The following ALS2CL variants were observed in gnomAD, a reference collection of about 807,000 sequenced individuals.
ALS2CL encodes ALS2 C-terminal like, also known as ALS2 C-terminal-like protein.
Under a neutral mutation model 127.9 loss-of-function variants are expected in ALS2CL, and 112 were observed. The ratio of observed to expected loss-of-function variants is 0.88; its 90% CI spans 0.75 to 1.02. ALS2CL has a LOEUF of 1.02. ALS2CL is among the 50% of genes least tolerant of loss of function. The probability of loss-of-function intolerance (pLI) is 0.00; values close to 1 mark genes in which losing one functional copy is unlikely to be tolerated. For missense variants in ALS2CL, 1,174 were observed against 1,236.7 expected, an observed-to-expected ratio of 0.95 and a Z score of 0.76; for synonymous variants, 519 against 527.6, an observed-to-expected ratio of 0.98 and a Z score of 0.22.
In ALS2CL at chr3:46,686,978, C is replaced by T. The variant is rs777181021; in HGVS notation, c.534+5G>A. 2 of 1,585,012 alleles carry T rather than the reference C, an allele frequency of 1.3e-6. No homozygotes were observed. The highest frequency in any genetic ancestry group is 1.7e-6 in the Non-Finnish European group (2 of 1,169,864). The stretch of plus-strand genomic sequence containing the variant: ...TCCCCACATGCTGCTGCCCCTGGTA[C>T]CCACCTCCCCAATGGTGTCCCCGAG... On this transcript the variant is annotated splice_donor_5th_base_variant and intron_variant, in intron 5 of 25. Transcript: ENST00000318962. The surrounding 1 kb of genome is among the most constrained non-coding windows in gnomAD (Gnocchi z 4.3).
At position 46,689,557 on chromosome 3, in the gene ALS2CL, T is replaced by C; in HGVS notation, c.-25-92A>G. ...GCAGGGTGCCCAGAAGCAAGGTCCA[T>C]GACCACCCACATCAGAACTGAGCAG... On this transcript the variant is annotated intron_variant, in intron 1 of 25. Coordinates refer to ENST00000318962, the MANE Select transcript of ALS2CL (RefSeq NM_147129.5). The C allele has an allele frequency of 3.8e-6, 3 of 790,340 alleles. 1 individual carries two copies. In the South Asian group the frequency reaches 5.4e-5, roughly 14 times the overall value. The allele number at this position is 790,340 out of a possible 1,614,324, so 49.0% of individuals were successfully genotyped here.
chr3:46,679,320 G>T, intron 14 of ALS2CL, 33 bp from the exon 15 acceptor site: 1 of 1,533,518 alleles, frequency 6.5e-7, no homozygotes, highest in Non-Finnish European at 8.9e-7. Flanking sequence ...GGGTAGAAAG[G>T]GTGGGTGAGG....
intron 7 of ALS2CL, among the ~76,000 whole-genome samples, chr3:46,684,660 G>T (rs1699632005): frequency 6.6e-6 from 1 of 152,218 alleles, no homozygotes. Flanking sequence ...GGAGGAGCTT[G>T]CCAGCCGCAG....
At position 46,679,219 on chromosome 3, in the gene ALS2CL, G is replaced by T; in HGVS notation, c.1617C>A (p.Leu539=). The change falls in exon 15 of 26, where the codon CTC becomes CTA. Residue 539 remains leucine, a synonymous_variant. Coordinates refer to ENST00000318962, the MANE Select transcript of ALS2CL (RefSeq NM_147129.5). ...YEGTFTRDLT[L]MGKGKVTFPN... is the part of the protein sequence containing the mutation. Reference sequence around the variant, plus strand: ...CCTCAGTGGTCCTCACCTTCCCCATGAGGGTCAGGTCCCTGGTGAAGGTGC... The same window carrying T: ...CCTCAGTGGTCCTCACCTTCCCCATTAGGGTCAGGTCCCTGGTGAAGGTGC... 6.4e-7 allele frequency: 1 copy of T among 1,568,052 alleles called. No individual in the cohort carries two copies. Among genetic ancestry groups the T allele is most frequent in the South Asian group, 1.2e-5 (1 of 84,902 alleles).
At chr3:46,688,881 C>A (rs1256096700) in intron 2 of ALS2CL, among the ~76,000 whole-genome samples, 1 of 152,212 alleles carries the variant, frequency 6.6e-6, no homozygotes, top group African/African-American at 2.4e-5. Context: ...CTTTGTACAG[C>A]CTGGTCTGGG....
At chr3:46,690,790 A>G (rs1365252806) in intron 1 of ALS2CL, among the ~76,000 whole-genome samples, 2 of 152,136 alleles carry the variant, frequency 1.3e-5, no homozygotes, top group Non-Finnish European at 2.9e-5. Flanking sequence ...GCAGACCCAA[A>G]AGGGTGAGTG....
chr3:46,688,250 C>T lies in ALS2CL; in HGVS notation c.150G>A (p.Leu50=). ...DPWGRECLRL[L]QQLHKSSQQL... ...GCTGGGAGCTCTTGTGCAGCTGTTG[C>T]AAGAGCCGCAGGCACTCTCTGCCCC... is the stretch of plus-strand genomic sequence containing the variant. The change falls in exon 3 of 26, where the codon TTG becomes TTA. Residue 50 remains leucine, a synonymous_variant. Coordinates refer to ENST00000318962, the MANE Select transcript of ALS2CL (RefSeq NM_147129.5). 1.9e-6 allele frequency: 3 copies of T among 1,612,972 alleles called. No individual in the cohort carries two copies. The highest frequency in any genetic ancestry group is 2.5e-6 in the Non-Finnish European group (3 of 1,180,000).
chr3:46,683,402 C>T (rs574388277), intron 9 of ALS2CL, 76 bp from the exon 10 acceptor site: 241 of 1,408,466 alleles, frequency 1.7e-4, no homozygotes, highest in Non-Finnish European at 2.3e-4. Context: ...TCTGGGGTAG[C>T]TCCAGGTACC....
chr3:46,689,751 G>A (rs944874645), intron 1 of ALS2CL, among the ~76,000 whole-genome samples: 6 of 152,202 alleles, frequency 3.9e-5, no homozygotes, highest in South Asian at 4.1e-4. Context: ...GCCCAGTTTG[G>A]CCTGCTCATT....
At chr3:46,685,416 C>A in intron 7 of ALS2CL, 109 bp downstream of exon 7, 1 of 1,526,856 alleles carries the variant, frequency 6.5e-7, no homozygotes, top group Non-Finnish European at 8.9e-7. Flanking sequence ...GACCATCCCT[C>A]CCAGCCCACT....
chr3:46,687,798 C>T, intron 3 of ALS2CL, 114 bp from the exon 4 acceptor site: 7 of 1,135,622 alleles, frequency 6.2e-6, no homozygotes, highest in East Asian at 2.5e-5. Flanking sequence ...CCTGAGGGCC[C>T]ACACAGTGGC....
chr3:46,688,862 A>G (rs1306276689), intron 2 of ALS2CL, among the ~76,000 whole-genome samples: 2 of 152,236 alleles, frequency 1.3e-5, no homozygotes, highest in African/African-American at 4.8e-5. Flanking sequence ...GAAAGGAGGA[A>G]TTCCATCTCT....
intron 22 of ALS2CL, among the ~76,000 whole-genome samples, 185 bp from the exon 23 acceptor site, chr3:46,672,386 C>T (rs1698475040): frequency 6.6e-6 from 1 of 152,208 alleles, no homozygotes; most frequent in Non-Finnish European, 1.5e-5. Context: ...TCAGTTTGTG[C>T]AACCATAAAA....
intron 7 of ALS2CL, among the ~76,000 whole-genome samples, chr3:46,684,539 C>T (rs1699623909): frequency 6.6e-6 from 1 of 152,248 alleles, no homozygotes; most frequent in South Asian, 2.1e-4. Flanking sequence ...GAAAAAAAGC[C>T]CCTTCCTATG....
intron 8 of ALS2CL, 65 bp from the exon 9 acceptor site, chr3:46,683,913 G>A (rs1699565962): frequency 1.2e-6 from 2 of 1,613,230 alleles, no homozygotes; most frequent in Non-Finnish European, 1.7e-6. Flanking sequence ...GCCCAAGCCA[G>A]AGTCCCAGGG....
intron 16 of ALS2CL, 156 bp from the exon 17 acceptor site, chr3:46,677,178 AC>A: frequency 7.0e-7 from 1 of 1,433,982 alleles, no homozygotes. Flanking sequence ...GAGGGGGCTG[AC>A]CTCCACGGCT....
At chr3:46,683,099 C>T (rs548024729) in intron 10 of ALS2CL, 31 bp downstream of exon 10, 7 of 1,526,334 alleles carry the variant, frequency 4.6e-6, no homozygotes, top group East Asian at 2.3e-5. Flanking sequence ...CAGGGAGTCC[C>T]ACCTTGCCAC....
At chr3:46,676,788 C>A in intron 17 of ALS2CL, 50 bp from the exon 18 acceptor site, 2 of 1,599,302 alleles carry the variant, frequency 1.3e-6, no homozygotes, top group Non-Finnish European at 1.7e-6. Flanking sequence ...CCAGCCCCCT[C>A]CCCCCAGGAA....
In ALS2CL at chr3:46,674,586, G is replaced by A. The variant is rs762213982; in HGVS notation, c.2409C>T (p.Leu803=). 3.7e-6 allele frequency: 6 copies of A among 1,613,410 alleles called. No homozygotes were observed. In the East Asian group the frequency reaches 6.7e-5, roughly 18 times the overall value. The change falls in exon 21 of 26, where the codon CTC becomes CTT. Residue 803 remains leucine, a synonymous_variant. Transcript: ENST00000318962. The stretch of plus-strand genomic sequence containing the variant: ...CTTACTTCTGCACATCCAGGAACTC[G>A]AGCAGTTGGGTATCAGGAAAGAGGC... ...NLSLFPDTQL[L]EFLDVQKHLW... is the part of the protein sequence containing the mutation.
Sources: gnomAD v4.1 joint callset for allele counts (sites outside exome capture counted in the v4.1 genomes callset) on GRCh38, gnomAD v4.1.1 for gene constraint, Gnocchi (gnomAD v3.1) non-coding constraint, MANE v1.5 for transcripts, NCBI Gene and HGNC (gene_info 2026-07-23, HGNC 2026-07-21) for gene names.